The following RTF2 variants were observed in gnomAD, a reference collection of about 807,000 sequenced individuals.
RTF2 encodes the protein UPF0549 protein C20orf43.
RTF2 carries 18 observed loss-of-function variants against 38.0 expected under a neutral mutation model. That is an observed-to-expected ratio of 0.47 (90% CI 0.33 to 0.70). RTF2 has a LOEUF of 0.70. Among genes scored for constraint, RTF2 ranks in the 30% least tolerant of loss-of-function variants. The pLI is 0.02. For synonymous variants in RTF2, 126 were observed against 137.1 expected (o/e 0.92, Z 0.57); for missense variants, 311 against 379.6 (o/e 0.82, Z 1.50).
chr20:56,485,703 A>C (rs1600803645), intron 5 of RTF2, among the ~76,000 whole-genome samples: 1 of 152,338 alleles, frequency 6.6e-6, no homozygotes, highest in Non-Finnish European at 1.5e-5. Context: ...AAATTCAAAT[A>C]AAACATTTGG....
At chr20:56,497,213 A>T in intron 5 of RTF2, 1 of 1,551,884 alleles carries the variant, frequency 6.4e-7, no homozygotes, top group Non-Finnish European at 8.7e-7. Context: ...TTTGAGGTAC[A>T]TAAATAGCTC....
At chr20:56,469,358 A>G (rs187394080) in intron 1 of RTF2, among the ~76,000 whole-genome samples, 338 of 152,310 alleles carry the variant, frequency 2.2e-3, no homozygotes, top group Non-Finnish European at 3.6e-3. Flanking sequence ...GGCACACTAA[A>G]TATTTCGAAT....
intron 5 of RTF2, among the ~76,000 whole-genome samples, chr20:56,485,184 G>T (rs1335217609): frequency 6.6e-6 from 1 of 152,146 alleles, no homozygotes; most frequent in Non-Finnish European, 1.5e-5. Flanking sequence ...GGCTGGCGTA[G>T]TGGTGGTCGG....
At chr20:56,507,442 A>C (rs1057073422) in intron 5 of RTF2, among the ~76,000 whole-genome samples, 6 of 152,140 alleles carry the variant, frequency 3.9e-5, no homozygotes, top group African/African-American at 1.4e-4. Context: ...TTTGGTGTTA[A>C]TGGATCTTTT....
intron 8 of RTF2, 36 bp downstream of exon 8, chr20:56,517,237 G>A (rs1476687167): frequency 6.4e-7 from 1 of 1,573,832 alleles, no homozygotes; most frequent in African/African-American, 1.3e-5. Context: ...GCTGTTTCGA[G>A]AAGGCTGGAA....
intron 5 of RTF2, among the ~76,000 whole-genome samples, chr20:56,511,852 A>T (rs1308157141): frequency 1.3e-5 from 2 of 151,362 alleles, no homozygotes; most frequent in Admixed American, 1.3e-4. Flanking sequence ...TTTTTTTTTG[A>T]GACGGAGTCT....
At chr20:56,473,921 A>G (rs139913539) in intron 2 of RTF2, among the ~76,000 whole-genome samples, 6 of 152,108 alleles carry the variant, frequency 3.9e-5, no homozygotes, top group Admixed American at 2.6e-4. Flanking sequence ...GCATAAACAC[A>G]TGAAGGAGCC....
intron 5 of RTF2, among the ~76,000 whole-genome samples, chr20:56,490,232 G>T (rs940413722): frequency 3.9e-5 from 6 of 152,164 alleles, no homozygotes; most frequent in Non-Finnish European, 8.8e-5. Flanking sequence ...CTTTGCGTTG[G>T]AATTATGTTT....
rs1238629356 is a variant in RTF2, at chr20:56,473,338, A to T, written c.107A>T (p.Tyr36Phe). 6.2e-7 allele frequency: 1 copy of T among 1,613,968 alleles called. No individual in the cohort carries two copies. The highest frequency in any genetic ancestry group is 8.5e-7 in the Non-Finnish European group (1 of 1,179,886). ...KDAELVAQWN[Y>F]CTLSQEILRR... The stretch of plus-strand genomic sequence containing the variant: ...GCTGAATTAGTGGCCCAATGGAACT[A>T]TTGTACTCTAAGTCAGGAAATATTA... The change falls in exon 2 of 9, where the codon TAT becomes TTT. Residue 36 changes from tyrosine to phenylalanine, a missense_variant. By Grantham distance (22) the Tyr-to-Phe change is conservative. Coordinates refer to ENST00000357348, the MANE Select transcript of RTF2 (RefSeq NM_016407.5).
At chr20:56,470,958 C>T in intron 1 of RTF2, 1 of 239,262 alleles carries the variant, frequency 4.2e-6, no homozygotes, top group South Asian at 5.1e-5. Context: ...AAACTCTTTC[C>T]CCATATCTGT....
At chr20:56,495,188 G>A (rs1458735836) in intron 5 of RTF2, 1 of 1,534,494 alleles carries the variant, frequency 6.5e-7, no homozygotes, top group Non-Finnish European at 8.8e-7. Context: ...GTTTTGTTTT[G>A]TTTTTCTTTT....
chr20:56,470,515 G>T (rs1443772052), intron 1 of RTF2: 1 of 449,352 alleles, frequency 2.2e-6, no homozygotes, highest in Non-Finnish European at 4.5e-6. Context: ...GATCAATATT[G>T]TGAAATCTGC....
intron 5 of RTF2, among the ~76,000 whole-genome samples, chr20:56,492,114 T>C (rs1373838203): frequency 6.6e-6 from 1 of 152,106 alleles, no homozygotes; most frequent in Non-Finnish European, 1.5e-5. Flanking sequence ...TTCCGATAGA[T>C]TCTGAGTTCC....
intron 4 of RTF2, among the ~76,000 whole-genome samples, chr20:56,483,496 A>T (rs907789662): frequency 6.6e-6 from 1 of 151,802 alleles, no homozygotes; most frequent in South Asian, 2.1e-4. Flanking sequence ...CTAAGTTTTT[A>T]AAAAGATTTT....
intron 4 of RTF2, among the ~76,000 whole-genome samples, chr20:56,481,462 A>T (rs1228442473): frequency 6.6e-6 from 1 of 151,894 alleles, no homozygotes; most frequent in Non-Finnish European, 1.5e-5. Flanking sequence ...TAAATATTAC[A>T]CTCTTCTTCA....
At position 56,484,204 on chromosome 20, in the gene RTF2, T is replaced by A; in HGVS notation, c.477+15T>A. 4.4e-6 allele frequency: 7 copies of A among 1,595,166 alleles called. No homozygotes were observed. The highest frequency in any genetic ancestry group is 5.2e-6 in the Non-Finnish European group (6 of 1,162,754). ...TTTGCCACACGGTGAGTTCCTGACATGTACCATTTGTTCCTTCTCTGTAGC... is the reference window on the plus strand; with the variant it reads ...TTTGCCACACGGTGAGTTCCTGACAAGTACCATTTGTTCCTTCTCTGTAGC... On this transcript the variant is annotated intron_variant, in intron 5 of 8. Transcript: ENST00000357348.
At chr20:56,493,165 A>G (rs1307285812) in intron 5 of RTF2, among the ~76,000 whole-genome samples, 1 of 151,912 alleles carries the variant, frequency 6.6e-6, no homozygotes. Flanking sequence ...ACAAAGCAAG[A>G]CTCCATCTCC....
At chr20:56,484,236 A>G (rs374332703) in intron 5 of RTF2, 47 bp downstream of exon 5, 4 of 1,463,138 alleles carry the variant, frequency 2.7e-6, no homozygotes, top group African/African-American at 1.4e-5. Context: ...TAGCTGAGGA[A>G]ATCAGATGGT....
chr20:56,485,289 A>G (rs1286775823), intron 5 of RTF2, among the ~76,000 whole-genome samples: 1 of 152,222 alleles, frequency 6.6e-6, no homozygotes, highest in Non-Finnish European at 1.5e-5. Flanking sequence ...CAGCAGGAAC[A>G]GCATGTGCAA....
Sources: gnomAD v4.1 joint callset for allele counts (sites outside exome capture counted in the v4.1 genomes callset) on GRCh38, gnomAD v4.1.1 for gene constraint, MANE v1.5 for transcripts, NCBI Gene and HGNC (gene_info 2026-07-23, HGNC 2026-07-21) for gene names.